SH3RF1: variants seen among roughly 807,000 people sequenced by gnomAD.
SH3RF1 encodes the protein E3 ubiquitin-protein ligase SH3RF1.
A neutral mutation model predicts 74.0 loss-of-function variants in SH3RF1; 32 were observed. The ratio of observed to expected loss-of-function variants is 0.43; its 90% CI spans 0.33 to 0.58. The LOEUF is 0.58. SH3RF1 is among the 20% of genes least tolerant of loss of function. The pLI is 0.05. For synonymous variants in SH3RF1, 396 were observed against 439.6 expected (o/e 0.90, Z 1.24); for missense variants, 954 against 1,130.9 (o/e 0.84, Z 2.24).
chr4:169,238,693 T>G (rs1391433912), intron 2 of SH3RF1, among the ~76,000 whole-genome samples: 1 of 152,200 alleles, frequency 6.6e-6, no homozygotes, highest in Non-Finnish European at 1.5e-5. Context: ...TTCCACATGG[T>G]CTAACTGCTA....
At chr4:169,240,479 G>A (rs866681222) in intron 2 of SH3RF1, among the ~76,000 whole-genome samples, 3 of 152,078 alleles carry the variant, frequency 2.0e-5, no homozygotes, top group Non-Finnish European at 4.4e-5. Context: ...ATTACAGAGC[G>A]TGAGCCCTTG....
intron 11 of SH3RF1, among the ~76,000 whole-genome samples, chr4:169,100,900 C>T (rs1579081634): frequency 6.6e-6 from 1 of 152,170 alleles, no homozygotes; most frequent in East Asian, 1.9e-4. Flanking sequence ...CATGCAGTTC[C>T]TTCTAGTGGG....
At chr4:169,236,249 G>T (rs896996584) in intron 2 of SH3RF1, among the ~76,000 whole-genome samples, 2 of 152,156 alleles carry the variant, frequency 1.3e-5, no homozygotes, top group African/African-American at 2.4e-5. Context: ...ATGAAATGTG[G>T]GAAGTAAAAC....
Position 169,116,276 on chromosome 4 carries a change from T to C in SH3RF1, c.2132A>G (p.Asp711Gly), listed in dbSNP as rs749884027. ...GNSSATKPDK[D>G]SKKEKKGLLK... Reference sequence around the variant, plus strand: ...AAGTAAGTATGGTCTTACTTTGCTATCCTTGTCTGGTTTGGTTGCTGAACT... The same window carrying C: ...AAGTAAGTATGGTCTTACTTTGCTACCCTTGTCTGGTTTGGTTGCTGAACT... Residue 711 changes from aspartate to glycine, a missense_variant, in exon 10 of 12, where the codon GAT becomes GGT. Physicochemically the swap from Asp to Gly is moderately conservative, Grantham distance 94. This residue lies in a region of SH3RF1 where 854 missense variants were observed against 962.5 expected (regional missense o/e 0.89). Coordinates refer to ENST00000284637, the MANE Select transcript of SH3RF1 (RefSeq NM_020870.4). 1 of 1,606,852 alleles carries C rather than the reference T, an allele frequency of 6.2e-7. No individual in the cohort carries two copies.
chr4:169,107,733 G>T (rs935280489), intron 10 of SH3RF1, among the ~76,000 whole-genome samples: 1 of 152,152 alleles, frequency 6.6e-6, no homozygotes, highest in Non-Finnish European at 1.5e-5. Flanking sequence ...AGGCATGGAC[G>T]TGAGCCTTAT....
intron 2 of SH3RF1, among the ~76,000 whole-genome samples, chr4:169,159,416 C>A (rs1342786118): frequency 6.6e-6 from 1 of 152,120 alleles, no homozygotes; most frequent in Non-Finnish European, 1.5e-5. Context: ...AGAGAACTGG[C>A]AAGTACTATA....
rs187253231 is a variant in SH3RF1 at position 169,174,108 on chromosome 4, G to A, written c.394-17429C>T. Among the ~76,000 whole-genome samples, 25 of 152,112 alleles carry A rather than the reference G, an allele frequency of 1.6e-4. No individual in the cohort carries two copies. In the East Asian group the frequency reaches 4.1e-3, roughly 25 times the overall value. ...AGACAGGGTCTCACTCTGTCACCCAGGCTAGAGTGCAGTGGCGCAATCATG... is the reference window on the plus strand; with the variant it reads ...AGACAGGGTCTCACTCTGTCACCCAAGCTAGAGTGCAGTGGCGCAATCATG... On this transcript the variant is annotated intron_variant, in intron 2 of 11. Transcript: ENST00000284637.
intron 4 of SH3RF1, among the ~76,000 whole-genome samples, chr4:169,154,542 T>C (rs1734021648): frequency 6.6e-6 from 1 of 152,196 alleles, no homozygotes; most frequent in Non-Finnish European, 1.5e-5. Flanking sequence ...ATTCCCCAAA[T>C]AATCTTGTGC....
rs141626503 is a variant in SH3RF1 at position 169,202,644 on chromosome 4, A to C, written c.394-45965T>G. Reference sequence around the variant, plus strand: ...ACCTACCTTCAGAAACCAAAGCATCAGTTAATTCCAAGCCTGCCTCCCTAT... The same window carrying C: ...ACCTACCTTCAGAAACCAAAGCATCCGTTAATTCCAAGCCTGCCTCCCTAT... On this transcript the variant is annotated intron_variant, in intron 2 of 11. Coordinates refer to ENST00000284637, the MANE Select transcript of SH3RF1 (RefSeq NM_020870.4). 2.9e-3 allele frequency among the ~76,000 whole-genome samples: 435 copies of C among 152,376 alleles called. 3 individuals are homozygous for C. Among genetic ancestry groups the C allele is most frequent in the Middle Eastern group, 6.8e-3 (2 of 294 alleles).
intron 2 of SH3RF1, among the ~76,000 whole-genome samples, chr4:169,255,095 A>C (rs1244079004): frequency 6.6e-6 from 1 of 152,194 alleles, no homozygotes; most frequent in East Asian, 1.9e-4. Flanking sequence ...GCACTGGAAT[A>C]AGTTTGTATC....
chr4:169,122,735 A>ATTTCC (rs1733461992), intron 6 of SH3RF1, among the ~76,000 whole-genome samples: 1 of 152,140 alleles, frequency 6.6e-6, no homozygotes, highest in African/African-American at 2.4e-5. Flanking sequence ...TCAGAAGAAA[A>ATTTCC]TTTCCTTTGA....
chr4:169,245,950 G>A (rs1730989350), intron 2 of SH3RF1, among the ~76,000 whole-genome samples: 2 of 152,164 alleles, frequency 1.3e-5, no homozygotes, highest in African/African-American at 4.8e-5. Context: ...AAACATCTAT[G>A]CTCATTCACC....
chr4:169,245,962 G>C (rs1027233569), intron 2 of SH3RF1, among the ~76,000 whole-genome samples: 1 of 152,154 alleles, frequency 6.6e-6, no homozygotes. Flanking sequence ...TCATTCACCT[G>C]TTCAAATATC....
intron 2 of SH3RF1, among the ~76,000 whole-genome samples, chr4:169,170,534 C>T (rs1278695467): frequency 6.6e-6 from 1 of 152,088 alleles, no homozygotes; most frequent in Non-Finnish European, 1.5e-5. Context: ...AATTGTTTAA[C>T]TAAATTTTTT....
intron 2 of SH3RF1, among the ~76,000 whole-genome samples, chr4:169,172,599 T>C (rs750482673): frequency 2.5e-4 from 38 of 152,200 alleles, no homozygotes; most frequent in Non-Finnish European, 4.3e-4. Flanking sequence ...GAGATGTGTA[T>C]GGGGCTAAGT....
chr4:169,155,306 T>G (rs991490538), intron 4 of SH3RF1, among the ~76,000 whole-genome samples, 174 bp downstream of exon 4: 1 of 152,182 alleles, frequency 6.6e-6, no homozygotes, highest in African/African-American at 2.4e-5. Flanking sequence ...TCTCACTGTC[T>G]TCAATAATTG....
chr4:169,138,807 C>T (rs1037140264), intron 4 of SH3RF1, among the ~76,000 whole-genome samples: 3 of 152,168 alleles, frequency 2.0e-5, no homozygotes, highest in Admixed American at 1.3e-4. Context: ...TTTCCATATG[C>T]TGTGCTCTGG....
chr4:169,179,435 A>T (rs1183710084), intron 2 of SH3RF1, among the ~76,000 whole-genome samples: 1 of 152,168 alleles, frequency 6.6e-6, no homozygotes, highest in East Asian at 1.9e-4. Context: ...TAAGCCATTG[A>T]ATTTGTTGTA....
rs1226919718 is a variant in SH3RF1, at chr4:169,095,391, CA to C, written c.*1127del. On this transcript the variant is annotated 3_prime_UTR_variant, in exon 12 of 12. Coordinates refer to ENST00000284637, the MANE Select transcript of SH3RF1 (RefSeq NM_020870.4). ...CTCCTGAATTGGTCAATTCTGAGTACAAACTCATCTTAACAGGAAATCGCAA... is the reference window on the plus strand; with the variant it reads ...CTCCTGAATTGGTCAATTCTGAGTACAACTCATCTTAACAGGAAATCGCAA... 3.3e-5 allele frequency: 5 copies of C among 152,590 alleles called. No individual in the cohort carries two copies. The highest frequency in any genetic ancestry group is 6.6e-5 in the Admixed American group (1 of 15,260). 9.5% of individuals were successfully genotyped at this position (152,590 alleles called of 1,614,324 possible).
Sources: gnomAD v4.1 joint callset for allele counts (sites outside exome capture counted in the v4.1 genomes callset) on GRCh38, gnomAD v4.1.1 for gene constraint, gnomAD v4.1.1 regional missense constraint, MANE v1.5 for transcripts, NCBI Gene and HGNC (gene_info 2026-07-23, HGNC 2026-07-21) for gene names.